PIGK: variants seen among roughly 807,000 people sequenced by gnomAD.
The protein encoded by PIGK is GPI-anchor transamidase.
A neutral mutation model predicts 50.6 loss-of-function variants in PIGK; 42 were observed. The observed-to-expected ratio is 0.83, with a 90% confidence interval of 0.65 to 1.07. PIGK has a LOEUF of 1.07. PIGK is among the 50% of genes least tolerant of loss of function. The pLI, the probability that PIGK is intolerant of heterozygous loss-of-function variation, is 0.00. For synonymous variants in PIGK, 151 were observed against 156.0 expected (o/e 0.97, Z 0.24); for missense variants, 448 against 488.7 (o/e 0.92, Z 0.78).
chr1:77,101,820 A>G (rs992676138), intron 10 of PIGK, among the ~76,000 whole-genome samples: 2 of 152,150 alleles, frequency 1.3e-5, no homozygotes, highest in African/African-American at 4.8e-5. Context: ...CCTGGCCAAC[A>G]TGGTGAAACC....
intron 9 of PIGK, among the ~76,000 whole-genome samples, chr1:77,125,660 T>G (rs1654213885): frequency 6.6e-6 from 1 of 152,150 alleles, no homozygotes; most frequent in Non-Finnish European, 1.5e-5. Flanking sequence ...CCCTTTTGTT[T>G]TAAGGTCTAA....
At chr1:77,119,101 C>T (rs890357871) in intron 10 of PIGK, among the ~76,000 whole-genome samples, 4 of 152,128 alleles carry the variant, frequency 2.6e-5, no homozygotes, top group Admixed American at 2.6e-4. Context: ...TTCTGATATC[C>T]GGTAAAACCA....
chr1:77,124,086 C>T (rs151165408), intron 9 of PIGK, among the ~76,000 whole-genome samples: 1 of 152,144 alleles, frequency 6.6e-6, no homozygotes, highest in African/African-American at 2.4e-5. Context: ...ATCCTGCTGA[C>T]ATCATCTAGC....
At chr1:77,191,322 T>C (rs1655898714) in intron 3 of PIGK, among the ~76,000 whole-genome samples, 1 of 152,240 alleles carries the variant, frequency 6.6e-6, no homozygotes, top group Non-Finnish European at 1.5e-5. Context: ...CTATGTGCAA[T>C]CTTTCACATA....
chr1:77,215,934 T>C lies in PIGK; in HGVS notation c.93+3376A>G, dbSNP rs192918985. On this transcript the variant is annotated intron_variant, in intron 1 of 10. Transcript: ENST00000370812. ...AGAGTAGAATAGAGGCTGGGAAGAA[T>C]AGGAAGGTGACGGGGGGAGTACAGA... is the stretch of plus-strand genomic sequence containing the variant. 1.8e-3 allele frequency among the ~76,000 whole-genome samples: 273 copies of C among 152,106 alleles called. 2 individuals carry two copies. The highest frequency in any genetic ancestry group is 2.4e-3 in the Non-Finnish European group (162 of 67,938).
rs1361407387 is a variant in PIGK, at chr1:77,091,164, G to C, written c.*1210C>G. ...TAAGACACCTGAAGGTATCCCCCCA[G>C]ACATAAATACTTAACTTTTAGGCTT... On this transcript the variant is annotated 3_prime_UTR_variant, in exon 11 of 11. Transcript: ENST00000370812. 6.6e-6 allele frequency: 1 copy of C among 152,102 alleles called. No individual in the cohort carries two copies. Among genetic ancestry groups the C allele is most frequent in the Non-Finnish European group, 1.5e-5 (1 of 67,996 alleles). The allele number at this position is 152,102 out of a possible 1,614,324, so 9.4% of individuals were successfully genotyped here. A position where few individuals can be genotyped will look rare whatever the true frequency, so the allele number is the denominator to read the frequency against.
chr1:77,124,139 C>G (rs985035455), intron 9 of PIGK, among the ~76,000 whole-genome samples: 1 of 152,080 alleles, frequency 6.6e-6, no homozygotes, highest in Admixed American at 6.6e-5. Flanking sequence ...TTAAGCCATC[C>G]AGTCTCTGGT....
chr1:77,144,621 C>T (rs1056644803), intron 9 of PIGK, among the ~76,000 whole-genome samples: 1 of 151,728 alleles, frequency 6.6e-6, no homozygotes, highest in Non-Finnish European at 1.5e-5. Context: ...TTTATATATA[C>T]TGATTTCTTA....
At chr1:77,181,077 C>T (rs1449740568) in intron 3 of PIGK, among the ~76,000 whole-genome samples, 1 of 151,994 alleles carries the variant, frequency 6.6e-6, no homozygotes, top group Non-Finnish European at 1.5e-5. Context: ...TTAAGATCAT[C>T]ATCAATATAA....
chr1:77,120,145 A>C (rs1290026783), intron 10 of PIGK, among the ~76,000 whole-genome samples: 2 of 152,216 alleles, frequency 1.3e-5, no homozygotes, highest in South Asian at 2.1e-4. Flanking sequence ...GATATAGATC[A>C]AAAAGCTTTT....
chr1:77,111,829 T>C (rs1270477282), intron 10 of PIGK, among the ~76,000 whole-genome samples: 1 of 152,122 alleles, frequency 6.6e-6, no homozygotes, highest in Non-Finnish European at 1.5e-5. Context: ...AAGATATCTA[T>C]TGGCATATTT....
At chr1:77,160,325 T>G (rs1242642857) in intron 8 of PIGK, among the ~76,000 whole-genome samples, 1 of 152,200 alleles carries the variant, frequency 6.6e-6, no homozygotes, top group Non-Finnish European at 1.5e-5. Flanking sequence ...CATAGCAGTA[T>G]GAAAATGAAC....
At chr1:77,198,745 AATAG>A (rs1226570500) in intron 3 of PIGK, among the ~76,000 whole-genome samples, 3 of 152,052 alleles carry the variant, frequency 2.0e-5, no homozygotes, top group African/African-American at 7.2e-5. Context: ...CCCGTAATTA[AATAG>A]ATAAACCTTA....
chr1:77,121,353 TG>T (rs1359675315), intron 10 of PIGK, among the ~76,000 whole-genome samples: 4 of 152,222 alleles, frequency 2.6e-5, no homozygotes, highest in African/African-American at 7.2e-5. Flanking sequence ...GATCATTTTT[TG>T]TAATTTCTCA....
intron 3 of PIGK, among the ~76,000 whole-genome samples, chr1:77,199,277 T>C (rs920120431): frequency 4.6e-5 from 7 of 152,106 alleles, no homozygotes; most frequent in African/African-American, 1.7e-4. Flanking sequence ...AGGAACATCA[T>C]GTAGAGTGGC....
chr1:77,103,576 G>A (rs1041120182), intron 10 of PIGK, among the ~76,000 whole-genome samples: 1 of 152,178 alleles, frequency 6.6e-6, no homozygotes, highest in Non-Finnish European at 1.5e-5. Context: ...TGAGAAAAAC[G>A]AAACAAATGA....
chr1:77,199,045 T>A (rs1656097487), intron 3 of PIGK, among the ~76,000 whole-genome samples: 2 of 152,046 alleles, frequency 1.3e-5, no homozygotes, highest in South Asian at 4.1e-4. Context: ...AATCTTCCTA[T>A]CTATTTACAA....
intron 3 of PIGK, among the ~76,000 whole-genome samples, chr1:77,196,824 A>G (rs1401080752): frequency 2.6e-5 from 4 of 152,142 alleles, no homozygotes; most frequent in Non-Finnish European, 5.9e-5. Context: ...TATTTTAATT[A>G]GGTACAACCT....
At chr1:77,209,207 T>C (rs1656360138) in intron 2 of PIGK, among the ~76,000 whole-genome samples, 1 of 152,128 alleles carries the variant, frequency 6.6e-6, no homozygotes, top group African/African-American at 2.4e-5. Flanking sequence ...CATTATATTT[T>C]CTAATCATAT....
Sources: allele counts gnomAD v4.1 joint callset (sites outside exome capture counted in the v4.1 genomes callset), GRCh38; gene constraint gnomAD v4.1.1; transcripts MANE v1.5; gene names NCBI Gene and HGNC (gene_info 2026-07-23, HGNC 2026-07-21).